The following TRIM26 variants were observed in gnomAD, a reference collection of about 807,000 sequenced individuals.
The protein encoded by TRIM26 is tripartite motif containing 26, also known as tripartite motif-containing protein 26.
Under a neutral mutation model 45.5 loss-of-function variants are expected in TRIM26, and 16 were observed. The ratio of observed to expected loss-of-function variants is 0.35; its 90% CI spans 0.24 to 0.53. The LOEUF (loss-of-function observed/expected upper bound fraction) is 0.53. TRIM26 is among the 20% of genes least tolerant of loss of function. The pLI, the probability that TRIM26 is intolerant of heterozygous loss-of-function variation, is 0.92. For synonymous variants in TRIM26, 273 were observed against 290.4 expected (o/e 0.94, Z 0.61); for missense variants, 442 against 691.1 (o/e 0.64, Z 4.04).
rs548031671 is a variant in TRIM26 at position 30,198,625 on chromosome 6, G to A, written c.438+41C>T. The A allele has an allele frequency of 6.2e-7, 1 of 1,606,312 alleles. No homozygotes were observed. The highest frequency in any genetic ancestry group is 8.5e-7 in the Non-Finnish European group (1 of 1,176,768). On this transcript the variant is annotated intron_variant, in intron 4 of 9. Transcript: ENST00000454678. This position sits in a 1 kb window ranked among gnomAD's most constrained non-coding sequence, Gnocchi z 6.3. ...TGAGGACTGCAAGGTGGAGCATCCAGAGAAGGTGGCAAGGCACCCTCGGGG... is the reference window on the plus strand; with the variant it reads ...TGAGGACTGCAAGGTGGAGCATCCAAAGAAGGTGGCAAGGCACCCTCGGGG...
chr6:30,189,005 G>A lies in TRIM26; in HGVS notation c.937+162C>T, dbSNP rs1371145017. The stretch of plus-strand genomic sequence containing the variant: ...TCTACTGCAGACTAAAGAGTAGGCT[G>A]ATTAGAAAGTGCAAAGAGGGAGGGG... On this transcript the variant is annotated intron_variant, in intron 9 of 9. Transcript: ENST00000454678. The surrounding 1 kb of genome is among the most constrained non-coding windows in gnomAD (Gnocchi z 5.0). Among the ~76,000 whole-genome samples the A allele has an allele frequency of 6.6e-6, 1 of 152,126 alleles. No individual in the cohort carries two copies. The highest frequency in any genetic ancestry group is 1.5e-5 in the Non-Finnish European group (1 of 68,040).
In TRIM26 at chr6:30,186,138, G is replaced by A. The variant is rs1775145747; in HGVS notation, c.1358C>T (p.Ser453Phe). 6.3e-7 allele frequency: 1 copy of A among 1,593,242 alleles called. No individual in the cohort carries two copies. The highest frequency in any genetic ancestry group is 8.6e-7 in the Non-Finnish European group (1 of 1,169,458). ...RDSVKRKGDL[S>F]LRPEDGVWAL... ...CCACACGCCATCCTCTGGCCGCAGG[G>A]AGAGGTCTCCCTTCCTCTTCACAGA... The change falls in exon 10 of 10, where the codon TCC becomes TTC. Residue 453 changes from serine (S) to phenylalanine (F), a missense_variant. Ser to Phe is a radical substitution (Grantham distance 155). Coordinates refer to ENST00000454678, the MANE Select transcript of TRIM26 (RefSeq NM_003449.5). The surrounding 1 kb of genome is among the most constrained non-coding windows in gnomAD (Gnocchi z 7.4).
At chr6:30,210,375 C>G (rs953174125) in intron 1 of TRIM26, among the ~76,000 whole-genome samples, 1 of 152,164 alleles carries the variant, frequency 6.6e-6, no homozygotes, top group African/African-American at 2.4e-5. Context: ...CACCCATTCC[C>G]TTGTACATGC....
Position 30,196,441 on chromosome 6 carries a change from G to T in TRIM26, c.765+75C>A. 6.9e-7 allele frequency: 1 copy of T among 1,444,860 alleles called. No homozygotes were observed. 89.5% of individuals were successfully genotyped at this position (1,444,860 alleles called of 1,614,324 possible). A position where few individuals can be genotyped will look rare whatever the true frequency, so the allele number is the denominator to read the frequency against. On this transcript the variant is annotated intron_variant, in intron 6 of 9. Transcript: ENST00000454678. The surrounding 1 kb of genome is among the most constrained non-coding windows in gnomAD (Gnocchi z 4.9). ...AAAACTGAGCCCCCAAGTCTTCTAAGGTCCTGCAAGTGAATGGCAGGGCTG... is the reference window on the plus strand; with the variant it reads ...AAAACTGAGCCCCCAAGTCTTCTAATGTCCTGCAAGTGAATGGCAGGGCTG...
intron 2 of TRIM26, among the ~76,000 whole-genome samples, chr6:30,201,824 G>A (rs974977993): frequency 2.0e-4 from 31 of 151,834 alleles, no homozygotes; most frequent in African/African-American, 7.5e-4. Flanking sequence ...CTCCAGCCTG[G>A]GTGACAGAGT....
chr6:30,211,495 G>A (rs1340248227), intron 1 of TRIM26, among the ~76,000 whole-genome samples: 2 of 152,050 alleles, frequency 1.3e-5, no homozygotes, highest in Non-Finnish European at 2.9e-5. Flanking sequence ...CTTCTGTGGT[G>A]GTCACACACA....
At chr6:30,210,566 C>T (rs780709283) in intron 1 of TRIM26, among the ~76,000 whole-genome samples, 3 of 152,144 alleles carry the variant, frequency 2.0e-5, no homozygotes, top group African/African-American at 4.8e-5. Context: ...ACCCCCCATC[C>T]GCTAAAGATA....
chr6:30,197,330 G>A (rs1402034848), intron 5 of TRIM26, among the ~76,000 whole-genome samples: 2 of 152,172 alleles, frequency 1.3e-5, no homozygotes, highest in African/African-American at 4.8e-5. Context: ...CAGTGGCCCT[G>A]TTGACTGGTG....
rs1775213127 is a variant in TRIM26 at position 30,186,560 on chromosome 6, T to C, written c.938-2A>G. The stretch of plus-strand genomic sequence containing the variant: ...ACTGTGGGTCCAGGGTGACGCTCAC[T>C]GTGGGGACAAGGGAAAAAAAAAAAA... On this transcript the variant is annotated splice_acceptor_variant, in intron 9 of 9. Coordinates refer to ENST00000454678, the MANE Select transcript of TRIM26 (RefSeq NM_003449.5). LOFTEE classifies it high-confidence loss of function. This position sits in a 1 kb window ranked among gnomAD's most constrained non-coding sequence, Gnocchi z 7.4. 1 of 1,497,336 alleles carries C rather than the reference T, an allele frequency of 6.7e-7. No individual in the cohort carries two copies. Among genetic ancestry groups the C allele is most frequent in the Admixed American group, 2.5e-5 (1 of 40,468 alleles). 92.8% of individuals were successfully genotyped at this position (1,497,336 alleles called of 1,614,324 possible).
Position 30,198,473 on chromosome 6 carries a change from G to C in TRIM26, c.490C>G (p.Gln164Glu). 6.2e-7 allele frequency: 1 copy of C among 1,613,090 alleles called. No individual in the cohort carries two copies. Among genetic ancestry groups the C allele is most frequent in the Non-Finnish European group, 8.5e-7 (1 of 1,180,032 alleles). Residue 164 changes from glutamine (Q) to glutamate (E), a missense_variant, in exon 5 of 10, where the codon CAG becomes GAG. Physicochemically the swap from Gln to Glu is conservative, Grantham distance 29 (BLOSUM62 2). Coordinates refer to ENST00000454678, the MANE Select transcript of TRIM26 (RefSeq NM_003449.5). This position sits in a 1 kb window ranked among gnomAD's most constrained non-coding sequence, Gnocchi z 6.3. ...GCTTCTCCCTTTGCCTGGAAGCCCT[G>C]AATTTTGTCTCTGTCCCTCCTTAGG... ...STLRRDRDKI[Q>E]GFQAKGEADI...
rs1778066015 is a variant in TRIM26, at chr6:30,209,490, T to C, written c.-376+3815A>G. On this transcript the variant is annotated intron_variant, in intron 1 of 9. Transcript: ENST00000454678. This position sits in a 1 kb window ranked among gnomAD's most constrained non-coding sequence, Gnocchi z 4.8. Reference sequence around the variant, plus strand: ...TAACTCTCATGAATGGATTAATGCCTTTCTTGCAAGAGTCCATTGGCCAGA... The same window carrying C: ...TAACTCTCATGAATGGATTAATGCCCTTCTTGCAAGAGTCCATTGGCCAGA... Among the ~76,000 whole-genome samples, 1 of 152,210 alleles carries C rather than the reference T, an allele frequency of 6.6e-6. No homozygotes were observed. The highest frequency in any genetic ancestry group is 1.5e-5 in the Non-Finnish European group (1 of 68,032).
intron 1 of TRIM26, among the ~76,000 whole-genome samples, chr6:30,205,839 C>T (rs1777674592): frequency 1.3e-5 from 2 of 152,172 alleles, no homozygotes; most frequent in South Asian, 4.1e-4. Context: ...GGCCTGCCTC[C>T]GGCTCCTAGA....
In TRIM26 at chr6:30,198,551, G is replaced by C; in HGVS notation, c.439-27C>G. On this transcript the variant is annotated intron_variant, in intron 4 of 9. Transcript: ENST00000454678. The surrounding 1 kb of genome is among the most constrained non-coding windows in gnomAD (Gnocchi z 6.3). ...TGTGGAAAAACAAGCAGTGGCAACA[G>C]GTGGATGCTCTGGGCTGGGGCAGGA... The C allele has an allele frequency of 6.2e-7, 1 of 1,612,636 alleles. No individual in the cohort carries two copies. The highest frequency in any genetic ancestry group is 8.5e-7 in the Non-Finnish European group (1 of 1,179,638).
intron 1 of TRIM26, among the ~76,000 whole-genome samples, chr6:30,206,198 G>A (rs948794766): frequency 2.0e-5 from 3 of 152,152 alleles, no homozygotes; most frequent in African/African-American, 7.2e-5. Context: ...GCCAGAATTC[G>A]GGGCAAAAAG....
intron 1 of TRIM26, among the ~76,000 whole-genome samples, chr6:30,211,196 C>A (rs921850303): frequency 1.3e-5 from 2 of 152,106 alleles, no homozygotes; most frequent in Non-Finnish European, 2.9e-5. Flanking sequence ...CAGCAGCAGG[C>A]TTCCAGGGCT....
At position 30,189,119 on chromosome 6, in the gene TRIM26, G is replaced by A. The variant is rs1775532171; in HGVS notation, c.937+48C>T. On this transcript the variant is annotated intron_variant, in intron 9 of 9. Coordinates refer to ENST00000454678, the MANE Select transcript of TRIM26 (RefSeq NM_003449.5). The surrounding 1 kb of genome is among the most constrained non-coding windows in gnomAD (Gnocchi z 5.0). Reference sequence around the variant, plus strand: ...AGCAGTCAGAATCTCTGCAGGCGGAGTTTTCTATATTTGATGTACATCTGG... The same window carrying A: ...AGCAGTCAGAATCTCTGCAGGCGGAATTTTCTATATTTGATGTACATCTGG... 6.3e-7 allele frequency: 1 copy of A among 1,589,444 alleles called. No individual in the cohort carries two copies. The highest frequency in any genetic ancestry group is 1.1e-5 in the South Asian group (1 of 87,884).
chr6:30,190,759 A>G lies in TRIM26; in HGVS notation c.766-724T>C, dbSNP rs577410021. Among the ~76,000 whole-genome samples the G allele has an allele frequency of 6.6e-6, 1 of 152,318 alleles. No homozygotes were observed. Among genetic ancestry groups the G allele is most frequent in the African/African-American group, 2.4e-5 (1 of 41,570 alleles). ...TTTGGACATGGTGGTGGTGAGCCCA[A>G]CTTTGACCACGCAGCAGAGGACAAC... On this transcript the variant is annotated intron_variant, in intron 6 of 9. Transcript: ENST00000454678. The surrounding 1 kb of genome is among the most constrained non-coding windows in gnomAD (Gnocchi z 4.3).
chr6:30,205,226 G>T (rs1308359189), intron 1 of TRIM26, among the ~76,000 whole-genome samples: 1 of 151,900 alleles, frequency 6.6e-6, no homozygotes, highest in Admixed American at 6.6e-5. Flanking sequence ...TGGGCAACAA[G>T]AGCAAAACTC....
chr6:30,212,299 A>G (rs1434221511), intron 1 of TRIM26, among the ~76,000 whole-genome samples: 3 of 152,230 alleles, frequency 2.0e-5, no homozygotes, highest in African/African-American at 7.2e-5. Context: ...AGGAGACATG[A>G]CAACTAAATG....
Sources: gnomAD v4.1 joint callset for allele counts (sites outside exome capture counted in the v4.1 genomes callset) on GRCh38, gnomAD v4.1.1 for gene constraint, Gnocchi (gnomAD v3.1) non-coding constraint, MANE v1.5 for transcripts, NCBI Gene and HGNC (gene_info 2026-07-23, HGNC 2026-07-21) for gene names.